Variants in USP8 observed in about 807,000 individuals in gnomAD.
USP8 encodes ubiquitin specific peptidase 8.
Under a neutral mutation model 130.0 loss-of-function variants are expected in USP8, and 27 were observed. That is an observed-to-expected ratio of 0.21 (90% CI 0.15 to 0.29). USP8 has a LOEUF of 0.29. USP8 is among the 10% of genes least tolerant of loss of function. USP8 has a pLI of 1.00. For synonymous variants in USP8, 392 were observed against 444.1 expected (o/e 0.88, Z 1.48); for missense variants, 1,029 against 1,312.2 (o/e 0.78, Z 3.33).
Position 50,489,780 on chromosome 15 carries a change from TTTTTA to T in USP8, c.1891-10_1891-6del. The stretch of plus-strand genomic sequence containing the variant: ...TTTAAAAAAAATTTTTTTTTAATTT[TTTTTA>T]TTTTATTTTAATTAGGCTCAACGAG... On this transcript the variant is annotated splice_polypyrimidine_tract_variant and intron_variant, in intron 12 of 19. Transcript: ENST00000307179. The T allele has an allele frequency of 2.1e-6, 3 of 1,415,308 alleles. No homozygotes were observed. Among genetic ancestry groups the T allele is most frequent in the Non-Finnish European group, 1.8e-6 (2 of 1,081,970 alleles). The allele number at this position is 1,415,308 out of a possible 1,614,324, so 87.7% of individuals were successfully genotyped here.
chr15:50,449,426 T>C lies in USP8; in HGVS notation c.276T>C (p.Pro92=). The change falls in exon 4 of 20, where the codon CCT becomes CCC. Residue 92 remains proline (P), a synonymous_variant. Coordinates refer to ENST00000307179, the MANE Select transcript of USP8 (RefSeq NM_005154.5). ...ATTATTTCCATTCAATACTTGGACC[T>C]GGAAACATCAAAAAAGCTGTCGAAG... ...QQDYFHSILG[P]GNIKKAVEEA... is the part of the protein sequence containing the mutation. The C allele has an allele frequency of 1.3e-6, 2 of 1,597,352 alleles. No individual in the cohort carries two copies. The highest frequency in any genetic ancestry group is 1.1e-5 in the South Asian group (1 of 87,966).
In USP8 at chr15:50,514,171, A is replaced by T. The variant is rs1267372438; in HGVS notation, c.*15083A>T. On this transcript the variant is annotated 3_prime_UTR_variant, in exon 20 of 20. Transcript: ENST00000307179. ...GGAGCCAGACACAAAAAAAGGATAT[A>T]CTGTACAATTCCATTTATACGAAGC... 6.6e-6 allele frequency: 1 copy of T among 152,214 alleles called. No individual in the cohort carries two copies. The highest frequency in any genetic ancestry group is 1.5e-5 in the Non-Finnish European group (1 of 68,038). 9.4% of individuals were successfully genotyped at this position (152,214 alleles called of 1,614,324 possible).
chr15:50,493,863 G>C (rs1177940080), intron 15 of USP8: 2 of 716,932 alleles, frequency 2.8e-6, no homozygotes, highest in South Asian at 1.5e-5. Context: ...AGACCATGCA[G>C]GGCTTGCAGC....
At chr15:50,458,850 A>T (rs1385983197) in intron 4 of USP8, 150 bp from the exon 5 acceptor site, 1 of 803,496 alleles carries the variant, frequency 1.2e-6, no homozygotes, top group Non-Finnish European at 2.0e-6. Flanking sequence ...AGATGGCCTC[A>T]GGTGGCAGAT....
chr15:50,425,472 A>G (rs1350373644), intron 1 of USP8, among the ~76,000 whole-genome samples: 1 of 152,356 alleles, frequency 6.6e-6, no homozygotes. Context: ...TCGTTGGTGA[A>G]TGTCATTCAT....
intron 3 of USP8, among the ~76,000 whole-genome samples, chr15:50,447,808 G>T (rs1369736053): frequency 2.0e-5 from 3 of 147,344 alleles, no homozygotes; most frequent in Non-Finnish European, 3.0e-5. Flanking sequence ...CTCACTATAT[G>T]CCCAGGCAGG....
intron 4 of USP8, among the ~76,000 whole-genome samples, chr15:50,451,422 A>G (rs892489676): frequency 6.6e-6 from 1 of 152,150 alleles, no homozygotes; most frequent in Non-Finnish European, 1.5e-5. Context: ...AAAAAAGAAA[A>G]TAACTCTCAA....
chr15:50,490,033 T>C (rs909697562), intron 13 of USP8, 152 bp downstream of exon 13: 3 of 858,476 alleles, frequency 3.5e-6, no homozygotes, highest in Non-Finnish European at 1.8e-6. Flanking sequence ...GTGAGATTTC[T>C]CAATACCCAA....
Position 50,492,728 on chromosome 15 carries a change from C to T in USP8, c.2262C>T (p.Ile754=). The change falls in exon 15 of 20, where the codon ATC becomes ATT. Residue 754 remains isoleucine (I), a synonymous_variant. Coordinates refer to ENST00000307179, the MANE Select transcript of USP8 (RefSeq NM_005154.5). ...CAACATGTTATCCTAAAGCTGAGAT[C>T]TCAAGGCTTTCTGCTTCTCAGATTC... ...NKPTCYPKAE[I]SRLSASQIRN... 2 of 1,614,018 alleles carry T rather than the reference C, an allele frequency of 1.2e-6. No individual in the cohort carries two copies. Among genetic ancestry groups the T allele is most frequent in the Non-Finnish European group, 1.7e-6 (2 of 1,180,014 alleles).
rs115607591 is a variant in USP8, at chr15:50,457,166, A to G, written c.336-1834A>G. On this transcript the variant is annotated intron_variant, in intron 4 of 19. Coordinates refer to ENST00000307179, the MANE Select transcript of USP8 (RefSeq NM_005154.5). ...TTAAAGTAAACTTAAAATTTTAAAT[A>G]TGTGAAGCTGGCACAGTTATTTGAA... 6.4e-3 allele frequency among the ~76,000 whole-genome samples: 971 copies of G among 152,330 alleles called. 14 individuals are homozygous for G. The highest frequency in any genetic ancestry group is 0.022 in the African/African-American group (935 of 41,578).
At chr15:50,450,299 G>A (rs1031625856) in intron 4 of USP8, among the ~76,000 whole-genome samples, 2 of 151,994 alleles carry the variant, frequency 1.3e-5, no homozygotes, top group Non-Finnish European at 2.9e-5. Flanking sequence ...TGTGCGTATA[G>A]GAATGAAGTA....
Position 50,513,576 on chromosome 15 carries a change from G to A in USP8, c.*14488G>A, listed in dbSNP as rs1358621238. ...AAGCCACAGAAGGTAATTTAAAAATGTACACTCAAGATTTAAAAAGAACTA... is the reference window on the plus strand; with the variant it reads ...AAGCCACAGAAGGTAATTTAAAAATATACACTCAAGATTTAAAAAGAACTA... On this transcript the variant is annotated 3_prime_UTR_variant, in exon 20 of 20. Coordinates refer to ENST00000307179, the MANE Select transcript of USP8 (RefSeq NM_005154.5). 1 of 144,564 alleles carries A rather than the reference G, an allele frequency of 6.9e-6. No homozygotes were observed. The highest frequency in any genetic ancestry group is 2.5e-5 in the African/African-American group (1 of 39,708). 9.0% of individuals were successfully genotyped at this position (144,564 alleles called of 1,614,324 possible).
chr15:50,504,316 A>C lies in USP8; in HGVS notation c.*5228A>C, dbSNP rs1373279995. ...GGAGGTGGGCAGACTGCTTGAGCCC[A>C]GGAGTTGTAGACCAGCCTGGGCAAC... On this transcript the variant is annotated 3_prime_UTR_variant, in exon 20 of 20. Transcript: ENST00000307179. 1 of 152,326 alleles carries C rather than the reference A, an allele frequency of 6.6e-6. No homozygotes were observed. The highest frequency in any genetic ancestry group is 2.4e-5 in the African/African-American group (1 of 41,448). 9.4% of individuals were successfully genotyped at this position (152,326 alleles called of 1,614,324 possible).
intron 4 of USP8, among the ~76,000 whole-genome samples, chr15:50,450,160 G>T (rs1048667829): frequency 6.6e-6 from 1 of 152,036 alleles, no homozygotes; most frequent in South Asian, 2.1e-4. Flanking sequence ...CTCCCAAAGT[G>T]CTGAGATTAC....
At chr15:50,460,301 C>CT (rs1168064692) in intron 5 of USP8, among the ~76,000 whole-genome samples, 1,206 of 77,356 alleles carry the variant, frequency 0.016, 30 homozygotes, top group African/African-American at 0.027. Flanking sequence ...CCTGGCTCTT[C>CT]TTTTTTTTTT....
intron 1 of USP8, among the ~76,000 whole-genome samples, chr15:50,437,006 T>A (rs1454797132): frequency 9.1e-6 from 1 of 109,440 alleles, no homozygotes; most frequent in Admixed American, 9.9e-5. Flanking sequence ...AATCAATATG[T>A]TTTTTTAAAT....
At chr15:50,426,134 A>C (rs1312510847) in intron 1 of USP8, among the ~76,000 whole-genome samples, 1 of 152,224 alleles carries the variant, frequency 6.6e-6, no homozygotes, top group African/African-American at 2.4e-5. Context: ...AAAATAAAAA[A>C]TAAAAAGCGT....
At chr15:50,437,336 A>C (rs1193951026) in intron 1 of USP8, among the ~76,000 whole-genome samples, 2 of 152,192 alleles carry the variant, frequency 1.3e-5, no homozygotes, top group African/African-American at 2.4e-5. Context: ...TGTTGCGTTT[A>C]ACATTTTCTG....
chr15:50,448,382 A>G (rs934112082), intron 3 of USP8, among the ~76,000 whole-genome samples: 2 of 152,186 alleles, frequency 1.3e-5, no homozygotes, highest in Non-Finnish European at 2.9e-5. Context: ...ATCTGATTGT[A>G]GTATCTAATG....
Sources: allele counts gnomAD v4.1 joint callset (sites outside exome capture counted in the v4.1 genomes callset), GRCh38; gene constraint gnomAD v4.1.1; transcripts MANE v1.5; gene names NCBI Gene and HGNC (gene_info 2026-07-23, HGNC 2026-07-21).